The following UTRN variants were observed in gnomAD, a reference collection of about 807,000 sequenced individuals.
UTRN encodes dystrophin-related protein 1.
Under a neutral mutation model 463.9 loss-of-function variants are expected in UTRN, and 283 were observed. That is an observed-to-expected ratio of 0.61 (90% confidence interval 0.55 to 0.67). The LOEUF (loss-of-function observed/expected upper bound fraction) is 0.67. Among genes scored for constraint, UTRN ranks in the 30% least tolerant of loss-of-function variants. UTRN has a pLI of 0.00. For synonymous variants in UTRN, 1,442 were observed against 1,431.5 expected, an observed-to-expected ratio of 1.01 and a Z score of -0.17; for missense variants, 3,922 against 4,084.3, an observed-to-expected ratio of 0.96 and a Z score of 1.08.
rs1784436977 is a variant in UTRN at position 144,700,181 on chromosome 6, A to G, written c.7747A>G (p.Lys2583Glu). 3 of 1,613,664 alleles carry G rather than the reference A, an allele frequency of 1.9e-6. No homozygotes were observed. The highest frequency in any genetic ancestry group is 8.5e-7 in the Non-Finnish European group (1 of 1,179,760). Residue 2583 changes from lysine (K) to glutamate (E), a missense_variant, in exon 53 of 75, where the codon AAG (lysine) becomes GAG (glutamate). By Grantham distance (56) the Lys-to-Glu change is moderately conservative. Coordinates refer to ENST00000367545, the MANE Select transcript of UTRN (RefSeq NM_007124.3). Reference sequence around the variant, plus strand: ...GCTGAATATGAAAGATGAAGAGCTTAAGAAACAAATGCCTATTGGAGGAGA... The same window carrying G: ...GCTGAATATGAAAGATGAAGAGCTTGAGAAACAAATGCCTATTGGAGGAGA... ...KWLNMKDEEL[K>E]KQMPIGGDVP...
At chr6:144,354,634 C>T (rs1342117778) in intron 2 of UTRN, among the ~76,000 whole-genome samples, 1 of 152,116 alleles carries the variant, frequency 6.6e-6, no homozygotes, top group Non-Finnish European at 1.5e-5. Context: ...TGCTGGATGC[C>T]GGGCCTGTCC....
chr6:144,823,112 G>A (rs1298762975), intron 66 of UTRN, among the ~76,000 whole-genome samples: 1 of 152,068 alleles, frequency 6.6e-6, no homozygotes, highest in Admixed American at 6.6e-5. Flanking sequence ...ATTTTGGGGT[G>A]TAATTCTGAA....
At chr6:144,470,660 G>C (rs1324075513) in intron 23 of UTRN, among the ~76,000 whole-genome samples, 2 of 152,142 alleles carry the variant, frequency 1.3e-5, no homozygotes, top group African/African-American at 2.4e-5. Context: ...CGGCACTTTG[G>C]GAGGCCAAAG....
chr6:144,789,171 C>A, intron 61 of UTRN, 23 bp from the exon 62 acceptor site: 2 of 1,589,044 alleles, frequency 1.3e-6, no homozygotes, highest in Non-Finnish European at 1.7e-6. Context: ...GCATCTAACA[C>A]ATTAACATTC....
intron 2 of UTRN, 26 bp downstream of exon 2, chr6:144,291,933 T>TA (rs746307961): frequency 3.1e-5 from 50 of 1,589,800 alleles, no homozygotes; most frequent in Non-Finnish European, 3.8e-5. Context: ...TCAAGAAAGC[T>TA]ATGGATTTTT....
At chr6:144,508,425 A>G (rs946723454) in intron 34 of UTRN, among the ~76,000 whole-genome samples, 1 of 152,188 alleles carries the variant, frequency 6.6e-6, no homozygotes, top group Non-Finnish European at 1.5e-5. Context: ...GAAGGCCTTG[A>G]GAAAAGTGTA....
intron 53 of UTRN, among the ~76,000 whole-genome samples, chr6:144,711,215 C>G (rs757383303): frequency 2.0e-5 from 3 of 151,938 alleles, no homozygotes; most frequent in Non-Finnish European, 4.4e-5. Flanking sequence ...TTGTTGGAGA[C>G]TGAGGCAGTA....
At chr6:144,530,077 G>T (rs1186258197) in intron 41 of UTRN, among the ~76,000 whole-genome samples, 1 of 152,104 alleles carries the variant, frequency 6.6e-6, no homozygotes, top group East Asian at 1.9e-4. Context: ...TAGGTAAATG[G>T]GACCCTCAGG....
At position 144,359,989 on chromosome 6, in the gene UTRN, G is replaced by T. The variant is rs559601339; in HGVS notation, c.80-43134G>T. Reference sequence around the variant, plus strand: ...TATATGTCCTGTAACAGAAATGATTGCCTCTGGTTTCAGTACCCTTTTATT... The same window carrying T: ...TATATGTCCTGTAACAGAAATGATTTCCTCTGGTTTCAGTACCCTTTTATT... On this transcript the variant is annotated intron_variant, in intron 2 of 74. Coordinates refer to ENST00000367545, the MANE Select transcript of UTRN (RefSeq NM_007124.3). Among the ~76,000 whole-genome samples the T allele has an allele frequency of 2.6e-3, 398 of 150,798 alleles. 2 individuals are homozygous for T. The highest frequency in any genetic ancestry group is 8.8e-3 in the African/African-American group (360 of 41,020).
intron 53 of UTRN, 105 bp downstream of exon 53, chr6:144,700,348 AT>A (rs200508051): frequency 4.0e-6 from 5 of 1,261,668 alleles, no homozygotes; most frequent in Non-Finnish European, 4.2e-6. Context: ...TTATCACAGG[AT>A]TCCCCCCCCC....
At chr6:144,416,640 G>A (rs1784388122) in intron 3 of UTRN, among the ~76,000 whole-genome samples, 1 of 152,214 alleles carries the variant, frequency 6.6e-6, no homozygotes, top group Non-Finnish European at 1.5e-5. Flanking sequence ...AGAGGGAGAT[G>A]AGACTTGGGG....
chr6:144,838,402 C>T (rs1021408300), intron 71 of UTRN, among the ~76,000 whole-genome samples: 2 of 152,324 alleles, frequency 1.3e-5, no homozygotes, highest in African/African-American at 4.8e-5. Context: ...TAAAAACTAG[C>T]AGAACTACCA....
intron 6 of UTRN, 66 bp downstream of exon 6, chr6:144,424,144 A>C: frequency 1.3e-6 from 2 of 1,546,818 alleles, no homozygotes; most frequent in Non-Finnish European, 1.8e-6. Context: ...TTAGTTTCTT[A>C]AGGCTGCCGT....
intron 66 of UTRN, among the ~76,000 whole-genome samples, chr6:144,824,909 A>G (rs1383646737): frequency 1.3e-5 from 2 of 151,804 alleles, no homozygotes; most frequent in Non-Finnish European, 2.9e-5. Context: ...CAGCCTCCCA[A>G]GAAGCTGGGA....
At chr6:144,722,059 T>C (rs1406992433) in intron 53 of UTRN, among the ~76,000 whole-genome samples, 1 of 152,210 alleles carries the variant, frequency 6.6e-6, no homozygotes, top group Admixed American at 6.5e-5. Context: ...AGCCAGCAAG[T>C]AGCCAGATAT....
chr6:144,375,750 G>T (rs1234801543), intron 2 of UTRN, among the ~76,000 whole-genome samples: 1 of 152,126 alleles, frequency 6.6e-6, no homozygotes, highest in Non-Finnish European at 1.5e-5. Context: ...CCTGCCAGGC[G>T]GCTGCCTGGG....
At position 144,836,288 on chromosome 6, in the gene UTRN, CTT is replaced by C. The variant is rs778951833; in HGVS notation, c.9825-11_9825-10del. The C allele has an allele frequency of 1.2e-6, 2 of 1,613,878 alleles. No individual in the cohort carries two copies. The highest frequency in any genetic ancestry group is 1.7e-6 in the Non-Finnish European group (2 of 1,179,912). On this transcript the variant is annotated splice_polypyrimidine_tract_variant and intron_variant, in intron 70 of 74. Coordinates refer to ENST00000367545, the MANE Select transcript of UTRN (RefSeq NM_007124.3). ...CGTGGTAGTCATTCTGTTTCTCCCT[CTT>C]TCTGTATTAGAAATCTACAGGTGGA...
In UTRN at chr6:144,851,029, C is replaced by G; in HGVS notation, c.*32C>G. 1 of 1,613,556 alleles carries G rather than the reference C, an allele frequency of 6.2e-7. No individual in the cohort carries two copies. The highest frequency in any genetic ancestry group is 8.5e-7 in the Non-Finnish European group (1 of 1,179,564). Reference sequence around the variant, plus strand: ...CATCCGGCCAACCAATGTTTCCTGACGTACAGTGTTGCCCTTTTCAGCAAA... The same window carrying G: ...CATCCGGCCAACCAATGTTTCCTGAGGTACAGTGTTGCCCTTTTCAGCAAA... On this transcript the variant is annotated 3_prime_UTR_variant, in exon 75 of 75. Transcript: ENST00000367545.
chr6:144,386,260 G>A lies in UTRN; in HGVS notation c.80-16863G>A, dbSNP rs184696602. Among the ~76,000 whole-genome samples, 190 of 152,162 alleles carry A rather than the reference G, an allele frequency of 1.2e-3. 2 individuals are homozygous for A. Among genetic ancestry groups the A allele is most frequent in the Non-Finnish European group, 2.3e-3 (156 of 67,994 alleles). On this transcript the variant is annotated intron_variant, in intron 2 of 74. Transcript: ENST00000367545. ...GCGGACTGCTTGAGCCCCGGAGTTC[G>A]AGACCAGCCAGGGCAACATGGCGAA...
Sources: allele counts gnomAD v4.1 joint callset (sites outside exome capture counted in the v4.1 genomes callset), GRCh38; gene constraint gnomAD v4.1.1; transcripts MANE v1.5; gene names NCBI Gene and HGNC (gene_info 2026-07-23, HGNC 2026-07-21).